CHST9: variants seen among roughly 807,000 people sequenced by gnomAD.
CHST9 encodes GalNAc-4-sulfotransferase 2.
CHST9 carries 41 observed loss-of-function variants against 44.4 expected under a neutral mutation model. That is an observed-to-expected ratio of 0.92 (90% confidence interval 0.72 to 1.20). The LOEUF is 1.20. CHST9 is among the 50% of genes most tolerant of loss of function. The pLI, the probability that CHST9 is intolerant of heterozygous loss-of-function variation, is 0.00. For missense variants in CHST9, 504 were observed against 516.5 expected (o/e 0.98, Z 0.23); for synonymous variants, 171 against 178.4 (o/e 0.96, Z 0.33).
At chr18:27,071,288 C>T (rs2057837541) in intron 2 of CHST9, among the ~76,000 whole-genome samples, 1 of 152,192 alleles carries the variant, frequency 6.6e-6, no homozygotes, top group Admixed American at 6.5e-5. Flanking sequence ...ATTTCATTCA[C>T]TCTTCAGGGC....
chr18:27,174,574 A>G (rs2058854559), intron 1 of CHST9, among the ~76,000 whole-genome samples: 1 of 151,988 alleles, frequency 6.6e-6, no homozygotes, highest in Non-Finnish European at 1.5e-5. Flanking sequence ...ACATGAAGAG[A>G]TAATGTGAAT....
At chr18:27,176,551 CAGG>C (rs1344300147) in intron 1 of CHST9, among the ~76,000 whole-genome samples, 3 of 152,002 alleles carry the variant, frequency 2.0e-5, no homozygotes, top group South Asian at 2.1e-4. Context: ...GAGCAGAGAT[CAGG>C]AGTTTGATTT....
At chr18:27,066,403 A>C (rs1445368368) in intron 2 of CHST9, among the ~76,000 whole-genome samples, 1 of 152,208 alleles carries the variant, frequency 6.6e-6, no homozygotes, top group African/African-American at 2.4e-5. Context: ...TAAATGACAA[A>C]TATAAATTCA....
chr18:26,969,372 C>G (rs199999917), intron 4 of CHST9, among the ~76,000 whole-genome samples: 28,938 of 121,130 alleles, frequency 0.24, 2,960 homozygotes, highest in East Asian at 0.32. Flanking sequence ...CTCTCTCTCT[C>G]TCTCTGTGTG....
At chr18:26,917,496 G>A in intron 5 of CHST9, 146 bp from the exon 6 acceptor site, 2 of 901,346 alleles carry the variant, frequency 2.2e-6, no homozygotes, top group South Asian at 3.5e-5. Context: ...AAGGCATGCT[G>A]AACATACATT....
rs2058059729 is a variant in CHST9, at chr18:27,090,703, A to C, written c.122-42200T>G. The stretch of plus-strand genomic sequence containing the variant: ...CCCAGTACCATTTATTAAATAGGGA[A>C]TCCTTTCCCCATTTCTTGTTTTTGT... On this transcript the variant is annotated intron_variant, in intron 2 of 5. Transcript: ENST00000618847. Among the ~76,000 whole-genome samples the C allele has an allele frequency of 2.0e-5, 3 of 152,174 alleles. No individual in the cohort carries two copies. In the South Asian group the frequency reaches 6.2e-4, roughly 32 times the overall value.
At chr18:27,074,810 CTT>C (rs1422952992) in intron 2 of CHST9, among the ~76,000 whole-genome samples, 6 of 147,282 alleles carry the variant, frequency 4.1e-5, no homozygotes, top group African/African-American at 4.9e-5. Flanking sequence ...ATAATATTAA[CTT>C]ATATATAATT....
intron 2 of CHST9, among the ~76,000 whole-genome samples, chr18:27,058,673 C>A (rs1216116823): frequency 1.3e-5 from 2 of 152,172 alleles, no homozygotes; most frequent in Non-Finnish European, 2.9e-5. Flanking sequence ...GACCAGCTCC[C>A]AGGTGTTCCA....
intron 2 of CHST9, among the ~76,000 whole-genome samples, chr18:27,114,614 G>C (rs72884338): frequency 0.069 from 10,462 of 152,250 alleles, 449 homozygotes; most frequent in East Asian, 0.14. Flanking sequence ...GATATTAGCA[G>C]TCAACCCTCA....
At chr18:27,110,979 G>A (rs2058266063) in intron 2 of CHST9, among the ~76,000 whole-genome samples, 2 of 152,228 alleles carry the variant, frequency 1.3e-5, no homozygotes, top group Admixed American at 6.5e-5. Context: ...TTCAAGTTCA[G>A]TTTTGACTTC....
chr18:26,969,366 C>CTGTGTGTG (rs1247934551), intron 4 of CHST9, among the ~76,000 whole-genome samples: 196 of 99,480 alleles, frequency 2.0e-3, no homozygotes, highest in Middle Eastern at 4.4e-3. Flanking sequence ...TTGATTCTCT[C>CTGTGTGTG]TCTCTCTCTC....
In CHST9 at chr18:26,944,793, GCAGCAGTGC is replaced by G. The variant is rs749785597; in HGVS notation, c.203-436_203-428del. Among the ~76,000 whole-genome samples the G allele has an allele frequency of 8.5e-4, 129 of 152,248 alleles. 1 individual carries two copies. The highest frequency in any genetic ancestry group is 1.6e-3 in the Non-Finnish European group (112 of 68,004). ...ACAAGGAGATTTGAGGTGGCAGATGGCAGCAGTGCTACTTCAAAAACATTTCTTACGTGG... is the reference window on the plus strand; with the variant it reads ...ACAAGGAGATTTGAGGTGGCAGATGGTACTTCAAAAACATTTCTTACGTGG... On this transcript the variant is annotated intron_variant, in intron 4 of 5. Coordinates refer to ENST00000618847, the MANE Select transcript of CHST9 (RefSeq NM_031422.6).
chr18:26,968,165 T>C (rs1380780609), intron 4 of CHST9, among the ~76,000 whole-genome samples: 1 of 152,206 alleles, frequency 6.6e-6, no homozygotes, highest in Non-Finnish European at 1.5e-5. Flanking sequence ...CTTTCCTTCG[T>C]ATATGCATCT....
chr18:27,136,005 A>G (rs891522393), intron 2 of CHST9, among the ~76,000 whole-genome samples: 3 of 152,210 alleles, frequency 2.0e-5, no homozygotes, highest in Non-Finnish European at 4.4e-5. Flanking sequence ...CTGCAGCATC[A>G]GGGTCCACAG....
chr18:27,182,732 C>A (rs2058922469), intron 1 of CHST9, among the ~76,000 whole-genome samples: 1 of 152,158 alleles, frequency 6.6e-6, no homozygotes, highest in Admixed American at 6.5e-5. Flanking sequence ...GAGTGTGAAT[C>A]TATCTGCTGA....
At chr18:27,052,541 C>T (rs1421264789) in intron 2 of CHST9, among the ~76,000 whole-genome samples, 3 of 151,972 alleles carry the variant, frequency 2.0e-5, no homozygotes, top group Non-Finnish European at 2.9e-5. Flanking sequence ...GTTCACTTTC[C>T]CCCAAAGAGA....
intron 2 of CHST9, among the ~76,000 whole-genome samples, chr18:27,089,942 C>G (rs553874365): frequency 6.6e-6 from 1 of 151,764 alleles, no homozygotes; most frequent in South Asian, 2.1e-4. Context: ...TCCCCAGTAG[C>G]TGGGACTACA....
At chr18:26,972,589 C>G (rs186231527) in intron 4 of CHST9, among the ~76,000 whole-genome samples, 46 of 152,092 alleles carry the variant, frequency 3.0e-4, no homozygotes, top group African/African-American at 8.7e-4. Context: ...GGGCATGAGG[C>G]CTTGGGGATT....
intron 5 of CHST9, among the ~76,000 whole-genome samples, chr18:26,925,598 G>A (rs139180724): frequency 2.5e-3 from 388 of 152,316 alleles, no homozygotes; most frequent in South Asian, 6.8e-3. Flanking sequence ...TTAAGAACAT[G>A]GATTTTTGAG....
Sources: gnomAD v4.1 joint callset for allele counts (sites outside exome capture counted in the v4.1 genomes callset) on GRCh38, gnomAD v4.1.1 for gene constraint, MANE v1.5 for transcripts, NCBI Gene and HGNC (gene_info 2026-07-23, HGNC 2026-07-21) for gene names.